Variants in HTR1F observed in about 807,000 individuals in gnomAD.
The protein encoded by HTR1F is 5-hydroxytryptamine (serotonin) receptor 1F, G protein-coupled.
A neutral mutation model predicts 24.0 loss-of-function variants in HTR1F; 17 were observed. The ratio of observed to expected loss-of-function variants is 0.71; its 90% confidence interval spans 0.48 to 1.06. The LOEUF is 1.06. HTR1F is among the 50% of genes least tolerant of loss of function. The pLI, the probability that HTR1F is intolerant of heterozygous loss-of-function variation, is 0.00. For synonymous variants in HTR1F, 186 were observed against 156.8 expected (o/e 1.19, Z -1.39); for missense variants, 391 against 427.8 (o/e 0.91, Z 0.76).
At chr3:87,850,622 A>G (rs529928251) in intron 2 of HTR1F, among the ~76,000 whole-genome samples, 28 of 151,940 alleles carry the variant, frequency 1.8e-4, no homozygotes, top group East Asian at 1.7e-3. Flanking sequence ...AAAAAGTGAG[A>G]AAGTTATTTA....
chr3:87,871,648 A>C (rs1419636491), intron 2 of HTR1F, among the ~76,000 whole-genome samples: 2 of 152,072 alleles, frequency 1.3e-5, no homozygotes, highest in Non-Finnish European at 2.9e-5. Flanking sequence ...AAAAAAAATT[A>C]TCTTGAAAGC....
intron 2 of HTR1F, among the ~76,000 whole-genome samples, chr3:87,945,784 G>T (rs914915451): frequency 6.6e-6 from 1 of 152,136 alleles, no homozygotes; most frequent in Non-Finnish European, 1.5e-5. Flanking sequence ...GGAAGGATAG[G>T]ACAGAATAGC....
At chr3:87,927,713 A>G (rs1334147979) in intron 2 of HTR1F, among the ~76,000 whole-genome samples, 4 of 152,178 alleles carry the variant, frequency 2.6e-5, no homozygotes, top group Non-Finnish European at 4.4e-5. Flanking sequence ...CAACTAAATT[A>G]TTGCATTTAT....
intron 2 of HTR1F, among the ~76,000 whole-genome samples, chr3:87,887,744 G>T (rs1272052564): frequency 6.6e-6 from 1 of 152,220 alleles, no homozygotes; most frequent in Non-Finnish European, 1.5e-5. Flanking sequence ...GGTCATCAGA[G>T]AAATGCAAAT....
At chr3:87,933,133 G>T (rs1468272605) in intron 2 of HTR1F, among the ~76,000 whole-genome samples, 2 of 151,790 alleles carry the variant, frequency 1.3e-5, no homozygotes, top group African/African-American at 4.8e-5. Context: ...TGCAGAAAAG[G>T]CCTTTCACAA....
intron 2 of HTR1F, among the ~76,000 whole-genome samples, chr3:87,949,066 A>T (rs1430074701): frequency 1.3e-5 from 2 of 152,118 alleles, no homozygotes; most frequent in Non-Finnish European, 2.9e-5. Flanking sequence ...TTTGGAAATG[A>T]CTGTTTAAAA....
At chr3:87,847,276 T>A (rs945046156) in intron 2 of HTR1F, among the ~76,000 whole-genome samples, 1 of 151,900 alleles carries the variant, frequency 6.6e-6, no homozygotes, top group African/African-American at 2.4e-5. Flanking sequence ...GGGTTAATTG[T>A]CACAAATTTA....
intron 1 of HTR1F, among the ~76,000 whole-genome samples, chr3:87,820,776 CATAAA>C (rs997759957): frequency 1.9e-4 from 29 of 152,082 alleles, no homozygotes; most frequent in African/African-American, 5.8e-4. Context: ...AAGGAATAAA[CATAAA>C]ATAAAGTGGC....
chr3:87,842,441 T>G (rs1431977790), intron 2 of HTR1F, among the ~76,000 whole-genome samples: 1 of 151,762 alleles, frequency 6.6e-6, no homozygotes, highest in Non-Finnish European at 1.5e-5. Flanking sequence ...CGATTACAGG[T>G]GTGAGCCACC....
chr3:87,974,318 C>T (rs978187685), intron 2 of HTR1F, among the ~76,000 whole-genome samples: 6 of 152,136 alleles, frequency 3.9e-5, no homozygotes, highest in African/African-American at 1.4e-4. Context: ...AAGATTTTTC[C>T]ATATTCAGTA....
chr3:87,837,109 C>A (rs1407553370), intron 2 of HTR1F, among the ~76,000 whole-genome samples: 1 of 151,930 alleles, frequency 6.6e-6, no homozygotes, highest in African/African-American at 2.4e-5. Context: ...TCCTAAATTT[C>A]ATGGATATTC....
At chr3:87,904,876 C>T (rs913776206) in intron 2 of HTR1F, among the ~76,000 whole-genome samples, 1 of 152,044 alleles carries the variant, frequency 6.6e-6, no homozygotes, top group African/African-American at 2.4e-5. Context: ...CATAGGGATA[C>T]TTATTATTTT....
chr3:87,857,464 G>C (rs1325667965), intron 2 of HTR1F, among the ~76,000 whole-genome samples: 1 of 152,010 alleles, frequency 6.6e-6, no homozygotes, highest in Non-Finnish European at 1.5e-5. Flanking sequence ...AATAGTTCTA[G>C]TATTATTTTT....
At chr3:87,894,876 AT>A (rs1361660358) in intron 2 of HTR1F, among the ~76,000 whole-genome samples, 5 of 152,268 alleles carry the variant, frequency 3.3e-5, no homozygotes, top group African/African-American at 1.2e-4. Context: ...AATGTTGGTC[AT>A]TTTAAATACC....
chr3:87,891,301 T>TG (rs1553672197), intron 2 of HTR1F, among the ~76,000 whole-genome samples: 3 of 151,876 alleles, frequency 2.0e-5, no homozygotes, highest in African/African-American at 7.3e-5. Context: ...TTTGTTAAAA[T>TG]AAAAAAAATG....
At chr3:87,989,375 C>T (rs541276481) in intron 2 of HTR1F, among the ~76,000 whole-genome samples, 1 of 152,240 alleles carries the variant, frequency 6.6e-6, no homozygotes, top group African/African-American at 2.4e-5. Flanking sequence ...TGGTAACGGA[C>T]TTGTTTGATC....
At chr3:87,811,046 A>G (rs575453994) in intron 1 of HTR1F, among the ~76,000 whole-genome samples, 4 of 152,354 alleles carry the variant, frequency 2.6e-5, no homozygotes, top group Admixed American at 2.6e-4. Flanking sequence ...ACTAGTAAGT[A>G]ATCCTGATTT....
chr3:87,876,842 A>G (rs1705681937), intron 2 of HTR1F, among the ~76,000 whole-genome samples: 1 of 152,134 alleles, frequency 6.6e-6, no homozygotes, highest in African/African-American at 2.4e-5. Flanking sequence ...TTAAGGCCCT[A>G]TTCATTCCCC....
intron 2 of HTR1F, among the ~76,000 whole-genome samples, chr3:87,912,066 A>G (rs1559628484): frequency 6.6e-6 from 1 of 152,064 alleles, no homozygotes; most frequent in Non-Finnish European, 1.5e-5. Flanking sequence ...TCCTGGCCAG[A>G]GCAATCAGAC....
Sources: gnomAD v4.1 joint callset for allele counts (sites outside exome capture counted in the v4.1 genomes callset) on GRCh38, gnomAD v4.1.1 for gene constraint, MANE v1.5 for transcripts, NCBI Gene and HGNC (gene_info 2026-07-23, HGNC 2026-07-21) for gene names.